Variants in SLC9C2 observed in about 807,000 individuals in gnomAD.
The protein encoded by SLC9C2 is sodium/hydrogen exchanger 11.
In SLC9C2, 75 loss-of-function variants were observed where a neutral mutation model predicts 140.2. The observed-to-expected ratio is 0.53, with a 90% CI of 0.44 to 0.65. SLC9C2 has a LOEUF of 0.65. SLC9C2 is among the 30% of genes least tolerant of loss of function. The probability of loss-of-function intolerance (pLI) is 0.00; values close to 1 mark genes in which losing one functional copy is unlikely to be tolerated. For missense variants in SLC9C2, 1,074 were observed against 1,331.8 expected, an observed-to-expected ratio of 0.81 and a Z score of 3.01; for synonymous variants, 375 against 420.9, an observed-to-expected ratio of 0.89 and a Z score of 1.34.
intron 4 of SLC9C2, among the ~76,000 whole-genome samples, chr1:173,589,431 G>A (rs1666035543): frequency 6.6e-6 from 1 of 152,180 alleles, no homozygotes; most frequent in Admixed American, 6.5e-5. Context: ...ATGGTGGCAT[G>A]TGCCTGTAGC....
rs570555612 is a variant in SLC9C2 at position 173,578,376 on chromosome 1, T to C, written c.803-1616A>G. Among the ~76,000 whole-genome samples, 7 of 152,352 alleles carry C rather than the reference T, an allele frequency of 4.6e-5. No homozygotes were observed. In the East Asian group the frequency reaches 1.3e-3, roughly 29 times the overall value. ...GAAAGAAATGTAATATTAAAGAATG[T>C]ATAAGTGAGAATTTTATCTGCATTT... On this transcript the variant is annotated intron_variant, in intron 7 of 27. Transcript: ENST00000367714.
At chr1:173,547,541 A>AT in intron 13 of SLC9C2, 148 bp downstream of exon 13, 2 of 591,446 alleles carry the variant, frequency 3.4e-6, no homozygotes, top group Non-Finnish European at 5.5e-6. Context: ...GAATTTTTTT[A>AT]TTTTTTAACT....
chr1:173,526,618 A>G, intron 19 of SLC9C2, 45 bp downstream of exon 19: 1 of 1,429,460 alleles, frequency 7.0e-7, no homozygotes, highest in South Asian at 1.2e-5. Context: ...AAATTATAGG[A>G]CAATAAGGTA....
chr1:173,596,904 CACTT>C (rs1666481374), intron 4 of SLC9C2, among the ~76,000 whole-genome samples: 1 of 151,868 alleles, frequency 6.6e-6, no homozygotes, highest in Non-Finnish European at 1.5e-5. Flanking sequence ...TACTTGTAGA[CACTT>C]AATAACAACC....
intron 17 of SLC9C2, among the ~76,000 whole-genome samples, chr1:173,531,153 C>T (rs12060076): frequency 0.074 from 11,335 of 152,150 alleles, 1,404 homozygotes; most frequent in African/African-American, 0.26. Flanking sequence ...ACAAGGCTAT[C>T]CTATTAATTA....
intron 9 of SLC9C2, among the ~76,000 whole-genome samples, chr1:173,560,141 T>G (rs1664002477): frequency 6.6e-6 from 1 of 152,252 alleles, no homozygotes. Context: ...ACTCTTTATT[T>G]TGGAATTTCA....
intron 26 of SLC9C2, among the ~76,000 whole-genome samples, chr1:173,504,855 C>T (rs1659519638): frequency 6.6e-6 from 1 of 152,204 alleles, no homozygotes; most frequent in African/African-American, 2.4e-5. Flanking sequence ...GGTAAGGTTT[C>T]CTATTCCCTT....
At position 173,505,325 on chromosome 1, in the gene SLC9C2, C is replaced by T; in HGVS notation, c.3232G>A (p.Gly1078Arg). 6.2e-7 allele frequency: 1 copy of T among 1,613,868 alleles called. No individual in the cohort carries two copies. The highest frequency in any genetic ancestry group is 8.5e-7 in the Non-Finnish European group (1 of 1,179,824). ...IIPTTCEQVQ[G>R]TSDLSKLLII... ...AGCAGCTTGCTTAAATCAGAAGTTC[C>T]CTGAACCTAGAGGAGAAAAGTCAAA... is the stretch of plus-strand genomic sequence containing the variant. Residue 1078 changes from glycine to arginine, a missense_variant, in exon 26 of 28, where the codon GGA (glycine) becomes AGA (arginine). Gly to Arg is a moderately radical substitution (Grantham distance 125, BLOSUM62 -2). Coordinates refer to ENST00000367714, the MANE Select transcript of SLC9C2 (RefSeq NM_178527.4).
At chr1:173,537,179 A>G in intron 13 of SLC9C2, 140 bp from the exon 14 acceptor site, 1 of 634,840 alleles carries the variant, frequency 1.6e-6, no homozygotes, top group South Asian at 2.0e-5. Context: ...TGTAGTAGGA[A>G]ATAAATATCA....
chr1:173,574,627 C>T (rs978784247), intron 8 of SLC9C2, among the ~76,000 whole-genome samples: 1 of 151,058 alleles, frequency 6.6e-6, no homozygotes, highest in Non-Finnish European at 1.5e-5. Context: ...TCTCCTGCCT[C>T]AGACTCCTGA....
In SLC9C2 at chr1:173,506,945, A is replaced by C. The variant is rs1324789188; in HGVS notation, c.3136T>G (p.Phe1046Val). 1 of 1,613,358 alleles carries C rather than the reference A, an allele frequency of 6.2e-7. No individual in the cohort carries two copies. Among genetic ancestry groups the C allele is most frequent in the Non-Finnish European group, 8.5e-7 (1 of 1,179,754 alleles). Reference sequence around the variant, plus strand: ...ACACTGCCATACACAATGATAACAAATTTCATGGTCATATTATCAATAATC... The same window carrying C: ...ACACTGCCATACACAATGATAACAACTTTCATGGTCATATTATCAATAATC... ...DMIIDNMTMK[F>V]VIIVYGSVID... The change falls in exon 25 of 28, where the codon TTT becomes GTT. Residue 1046 changes from phenylalanine (F) to valine (V), a missense_variant. By Grantham distance (50) the Phe-to-Val change is conservative (BLOSUM62 -1). Transcript: ENST00000367714.
At chr1:173,553,385 A>G (rs1228387387) in intron 11 of SLC9C2, among the ~76,000 whole-genome samples, 2 of 152,258 alleles carry the variant, frequency 1.3e-5, no homozygotes, top group Non-Finnish European at 2.9e-5. Context: ...TACTCTATGT[A>G]AAATGCTATC....
intron 22 of SLC9C2, among the ~76,000 whole-genome samples, chr1:173,518,326 T>C (rs750242380): frequency 1.3e-5 from 2 of 151,780 alleles, no homozygotes; most frequent in African/African-American, 2.4e-5. Flanking sequence ...CAATCACTCA[T>C]TGAGTCCATT....
At chr1:173,553,514 C>T (rs1663463877) in intron 11 of SLC9C2, among the ~76,000 whole-genome samples, 2 of 152,172 alleles carry the variant, frequency 1.3e-5, no homozygotes, top group Admixed American at 1.3e-4. Flanking sequence ...CAACCACCAC[C>T]CTGATCTGAT....
In SLC9C2 at chr1:173,576,514, C is replaced by A. The variant is rs185044038; in HGVS notation, c.902+147G>T. On this transcript the variant is annotated intron_variant, in intron 8 of 27. Transcript: ENST00000367714. The stretch of plus-strand genomic sequence containing the variant: ...CTGATAATTGTTGGCACCTTAAATT[C>A]TTTTCAAATATAACTGATAGCAAAA... 3,687 of 541,884 alleles carry A rather than the reference C, an allele frequency of 6.8e-3. 20 individuals are homozygous for A. The highest frequency in any genetic ancestry group is 0.01 in the South Asian group (344 of 33,232). 33.6% of individuals were successfully genotyped at this position (541,884 alleles called of 1,614,324 possible).
chr1:173,543,742 C>T (rs1338002963), intron 13 of SLC9C2, among the ~76,000 whole-genome samples: 1 of 152,184 alleles, frequency 6.6e-6, no homozygotes, highest in Non-Finnish European at 1.5e-5. Flanking sequence ...CTGACAAAAA[C>T]AAGCAATGGG....
At chr1:173,521,885 CAAAAAA>C (rs58355008) in intron 21 of SLC9C2, among the ~76,000 whole-genome samples, 3 of 76,938 alleles carry the variant, frequency 3.9e-5, no homozygotes, top group South Asian at 5.2e-4. Context: ...GGGCGCTATG[CAAAAAA>C]AAAAAAAAAA....
At chr1:173,542,563 G>C (rs914732198) in intron 13 of SLC9C2, among the ~76,000 whole-genome samples, 3 of 151,594 alleles carry the variant, frequency 2.0e-5, no homozygotes, top group Admixed American at 2.0e-4. Flanking sequence ...CAAAAAAAGA[G>C]AATTTTAGAC....
intron 21 of SLC9C2, among the ~76,000 whole-genome samples, chr1:173,523,384 A>G (rs1184223114): frequency 6.6e-6 from 1 of 152,204 alleles, no homozygotes; most frequent in East Asian, 1.9e-4. Context: ...AAAAATAAAT[A>G]AAAAGAATAA....
Sources: gnomAD v4.1 joint callset for allele counts (sites outside exome capture counted in the v4.1 genomes callset) on GRCh38, gnomAD v4.1.1 for gene constraint, MANE v1.5 for transcripts, NCBI Gene and HGNC (gene_info 2026-07-23, HGNC 2026-07-21) for gene names.